Variants in FOXO1 observed in about 807,000 individuals in gnomAD.
FOXO1 encodes the protein forkhead box protein O1.
In FOXO1, 6 loss-of-function variants were observed where a neutral mutation model predicts 44.1. That is an observed-to-expected ratio of 0.14 (90% CI 0.07 to 0.27). The LOEUF is 0.27. FOXO1 is among the 10% of genes least tolerant of loss of function. FOXO1 has a pLI of 1.00. For synonymous variants in FOXO1, 380 were observed against 362.7 expected, an observed-to-expected ratio of 1.05 and a Z score of -0.54; for missense variants, 737 against 888.8, an observed-to-expected ratio of 0.83 and a Z score of 2.17.
intron 1 of FOXO1, among the ~76,000 whole-genome samples, chr13:40,654,705 C>T (rs1374274881): frequency 6.6e-6 from 1 of 152,072 alleles, no homozygotes; most frequent in Admixed American, 6.5e-5. Flanking sequence ...GTGGGGCTTA[C>T]TGGAGATAAC....
intron 1 of FOXO1, among the ~76,000 whole-genome samples, chr13:40,641,797 C>A (rs1464901043): frequency 6.6e-6 from 1 of 151,856 alleles, no homozygotes. Flanking sequence ...ACCAGCCTGG[C>A]CAACATGGTA....
chr13:40,663,153 A>C (rs1420591060), intron 1 of FOXO1, among the ~76,000 whole-genome samples: 1 of 151,968 alleles, frequency 6.6e-6, no homozygotes, highest in East Asian at 2.0e-4. Flanking sequence ...GGAGCTGCCC[A>C]AGGGCCTCCA....
intron 1 of FOXO1, among the ~76,000 whole-genome samples, chr13:40,616,973 CAT>C (rs1348844149): frequency 6.6e-6 from 1 of 152,178 alleles, no homozygotes; most frequent in Non-Finnish European, 1.5e-5. Flanking sequence ...TTTATGCTAA[CAT>C]GTGAATACAT....
At chr13:40,586,715 C>T (rs1231719437) in intron 1 of FOXO1, among the ~76,000 whole-genome samples, 1 of 152,168 alleles carries the variant, frequency 6.6e-6, no homozygotes, top group African/African-American at 2.4e-5. Context: ...CTACAGGGTG[C>T]AATCTTAAGG....
chr13:40,579,516 A>G (rs1210164375), intron 1 of FOXO1, among the ~76,000 whole-genome samples: 2 of 152,174 alleles, frequency 1.3e-5, no homozygotes, highest in African/African-American at 2.4e-5. Context: ...TTCTGTAAAA[A>G]GACAAGCAAG....
chr13:40,624,317 T>TAAAAAAA (rs10552634), intron 1 of FOXO1, among the ~76,000 whole-genome samples: 6 of 100,948 alleles, frequency 5.9e-5, no homozygotes, highest in Admixed American at 1.1e-4. Flanking sequence ...TAATACTGCT[T>TAAAAAAA]AAAAAAAAAA....
At chr13:40,615,116 C>A (rs941057800) in intron 1 of FOXO1, among the ~76,000 whole-genome samples, 1 of 152,218 alleles carries the variant, frequency 6.6e-6, no homozygotes, top group African/African-American at 2.4e-5. Context: ...TGAGCACCTA[C>A]CACCGTGTGG....
At position 40,557,793 on chromosome 13, in the gene FOXO1, G is replaced by A. The variant is rs1176655976; in HGVS notation, c.*1256C>T. On this transcript the variant is annotated 3_prime_UTR_variant, in exon 3 of 3. Coordinates refer to ENST00000379561, the MANE Select transcript of FOXO1 (RefSeq NM_002015.4). Reference sequence around the variant, plus strand: ...GATCAAAATCCCTCGTTTGACAAAGGACCATTGCTTTAGATGCAGATCTCC... The same window carrying A: ...GATCAAAATCCCTCGTTTGACAAAGAACCATTGCTTTAGATGCAGATCTCC... 2.6e-5 allele frequency: 4 copies of A among 152,166 alleles called. No homozygotes were observed. The highest frequency in any genetic ancestry group is 5.9e-5 in the Non-Finnish European group (4 of 68,020). 9.4% of individuals were successfully genotyped at this position (152,166 alleles called of 1,614,324 possible).
intron 1 of FOXO1, among the ~76,000 whole-genome samples, chr13:40,658,305 G>A (rs1877921070): frequency 6.6e-6 from 1 of 151,932 alleles, no homozygotes; most frequent in Admixed American, 6.6e-5. Flanking sequence ...AACAGACCCT[G>A]AGAAAGAAGA....
chr13:40,629,605 C>T (rs1876896844), intron 1 of FOXO1, among the ~76,000 whole-genome samples: 1 of 152,178 alleles, frequency 6.6e-6, no homozygotes, highest in East Asian at 1.9e-4. Context: ...GTTAAGCATC[C>T]CTAATCCAAA....
In FOXO1 at chr13:40,640,791, GTTGTTGTT is replaced by G. The variant is rs560227975; in HGVS notation, c.630+24784_630+24791del. On this transcript the variant is annotated intron_variant, in intron 1 of 2. Transcript: ENST00000379561. ...TGTTGTTGTTGTTGTTGTTGTTGTT[GTTGTTGTT>G]TGAGACAGAGTTTTTGCTCTGTTTC... Among the ~76,000 whole-genome samples, 553 of 90,332 alleles carry G rather than the reference GTTGTTGTT, an allele frequency of 6.1e-3. 4 individuals are homozygous for G. The highest frequency in any genetic ancestry group is 0.01 in the African/African-American group (252 of 24,578). The allele number at this position is 90,332 out of a possible 152,430, so 59.3% of individuals were successfully genotyped here. A position where few individuals can be genotyped will look rare whatever the true frequency, so the allele number is the denominator to read the frequency against.
chr13:40,639,623 G>GT (rs1280181924), intron 1 of FOXO1, among the ~76,000 whole-genome samples: 2 of 152,220 alleles, frequency 1.3e-5, no homozygotes, highest in Non-Finnish European at 2.9e-5. Context: ...ATAATTCTCT[G>GT]TTATGGGAGG....
chr13:40,655,348 C>CAA (rs1170592440), intron 1 of FOXO1, among the ~76,000 whole-genome samples: 12 of 94,542 alleles, frequency 1.3e-4, no homozygotes, highest in East Asian at 2.8e-4. Flanking sequence ...GACCCCATCT[C>CAA]AAAAAAAAAA....
chr13:40,652,809 G>A (rs1455905886), intron 1 of FOXO1, among the ~76,000 whole-genome samples: 1 of 152,128 alleles, frequency 6.6e-6, no homozygotes, highest in African/African-American at 2.4e-5. Flanking sequence ...CAACCAAAAT[G>A]TCTCAAGTAT....
intron 1 of FOXO1, among the ~76,000 whole-genome samples, chr13:40,646,191 A>T (rs1877503383): frequency 6.6e-6 from 1 of 152,150 alleles, no homozygotes; most frequent in South Asian, 2.1e-4. Context: ...GATGGGAAAT[A>T]AAAAAATTAA....
At chr13:40,563,977 A>G (rs1000954950) in intron 1 of FOXO1, among the ~76,000 whole-genome samples, 7 of 152,224 alleles carry the variant, frequency 4.6e-5, no homozygotes, top group African/African-American at 1.7e-4. Context: ...CTTTGAACAC[A>G]ATAGACACAC....
chr13:40,597,632 C>T (rs552972552), intron 1 of FOXO1, among the ~76,000 whole-genome samples: 1 of 152,096 alleles, frequency 6.6e-6, no homozygotes, highest in Non-Finnish European at 1.5e-5. Flanking sequence ...GGTGAAGGGT[C>T]CTGCCCTAGA....
intron 1 of FOXO1, among the ~76,000 whole-genome samples, chr13:40,639,149 A>G (rs1413861464): frequency 6.6e-6 from 1 of 152,076 alleles, no homozygotes; most frequent in Non-Finnish European, 1.5e-5. Context: ...AGCTGAGATC[A>G]GATAGTGCCA....
At chr13:40,654,661 A>C (rs1046331209) in intron 1 of FOXO1, among the ~76,000 whole-genome samples, 2 of 152,194 alleles carry the variant, frequency 1.3e-5, no homozygotes, top group African/African-American at 4.8e-5. Context: ...GGAAATTTCT[A>C]TATGTGGCTG....
Sources: allele counts gnomAD v4.1 joint callset (sites outside exome capture counted in the v4.1 genomes callset), GRCh38; gene constraint gnomAD v4.1.1; transcripts MANE v1.5; gene names NCBI Gene and HGNC (gene_info 2026-07-23, HGNC 2026-07-21).